The following GALNT14 variants were observed in gnomAD, a reference collection of about 807,000 sequenced individuals.
GALNT14 encodes polypeptide N-acetylgalactosaminyltransferase 14, also known as UDP-GalNAc:polypeptide N-acetylgalactosaminyltransferase 14.
A neutral mutation model predicts 77.5 loss-of-function variants in GALNT14; 60 were observed. That is an observed-to-expected ratio of 0.77 (90% CI 0.63 to 0.96). GALNT14 has a LOEUF of 0.96. Among genes scored for constraint, GALNT14 ranks in the 40% least tolerant of loss-of-function variants. GALNT14 has a pLI of 0.00. For synonymous variants in GALNT14, 280 were observed against 281.7 expected (o/e 0.99, Z 0.06); for missense variants, 710 against 731.0 (o/e 0.97, Z 0.33).
intron 1 of GALNT14, among the ~76,000 whole-genome samples, chr2:31,073,631 G>A (rs188791483): frequency 3.0e-4 from 46 of 152,238 alleles, no homozygotes; most frequent in African/African-American, 1.1e-3. Context: ...CGGGACTGGG[G>A]CAGGAAAGTG....
chr2:30,934,096 C>T (rs1045005776), intron 9 of GALNT14, among the ~76,000 whole-genome samples: 9 of 152,170 alleles, frequency 5.9e-5, no homozygotes, highest in African/African-American at 1.4e-4. Flanking sequence ...TTTGAGATTT[C>T]GACTCTCCAT....
chr2:30,967,615 AAC>A (rs1289971347), intron 2 of GALNT14, among the ~76,000 whole-genome samples: 3 of 152,126 alleles, frequency 2.0e-5, no homozygotes, highest in Non-Finnish European at 2.9e-5. Flanking sequence ...CTCTGCCAGA[AAC>A]AATTTCTCAC....
At chr2:31,027,791 C>G (rs1052237860) in intron 1 of GALNT14, among the ~76,000 whole-genome samples, 1 of 152,002 alleles carries the variant, frequency 6.6e-6, no homozygotes, top group African/African-American at 2.4e-5. Flanking sequence ...GTAGACTGTG[C>G]AACTCTATAA....
At chr2:30,988,592 C>T (rs1436092569) in intron 2 of GALNT14, among the ~76,000 whole-genome samples, 1 of 152,070 alleles carries the variant, frequency 6.6e-6, no homozygotes, top group Non-Finnish European at 1.5e-5. Flanking sequence ...AGGTGGTGGC[C>T]TTATTGCAGG....
intron 1 of GALNT14, among the ~76,000 whole-genome samples, chr2:31,057,726 G>C (rs1674324059): frequency 6.6e-6 from 1 of 152,046 alleles, no homozygotes; most frequent in African/African-American, 2.4e-5. Flanking sequence ...TCAGGCTTAG[G>C]TCTGCATGAT....
chr2:30,901,795 G>A, the GALNT14 span, among the ~76,000 whole-genome samples: 1 of 152,076 alleles, frequency 6.6e-6, no homozygotes, highest in African/African-American at 2.4e-5. Context: ...ATGCAACCTT[G>A]GGGGACGGGG....
At chr2:30,942,109 C>T (rs1243388724) in intron 9 of GALNT14, 92 bp downstream of exon 9, 1 of 810,316 alleles carries the variant, frequency 1.2e-6, no homozygotes, top group Non-Finnish European at 2.1e-6. Context: ...TCTCTGACAG[C>T]TTGGTGTTGG....
intron 2 of GALNT14, among the ~76,000 whole-genome samples, chr2:30,988,326 A>G (rs1309919808): frequency 6.6e-6 from 1 of 152,222 alleles, no homozygotes; most frequent in African/African-American, 2.4e-5. Context: ...GACTGTATCA[A>G]TATGATTGGG....
rs1019784928 is a variant in GALNT14 at position 30,968,754 on chromosome 2, T to A, written c.300-2452A>T. Among the ~76,000 whole-genome samples, 89 of 152,246 alleles carry A rather than the reference T, an allele frequency of 5.8e-4. 2 individuals carry two copies. Among genetic ancestry groups the A allele is most frequent in the Non-Finnish European group, 1.6e-4 (11 of 68,046 alleles). ...ACACTGTGAAGATAATCGATGATTC[T>A]TGTTGTTTTACACCACAAAGTTTAA... On this transcript the variant is annotated intron_variant, in intron 2 of 14. Coordinates refer to ENST00000349752, the MANE Select transcript of GALNT14 (RefSeq NM_024572.4).
chr2:30,911,847 G>C (rs1211340523), intron 14 of GALNT14, among the ~76,000 whole-genome samples: 2 of 152,180 alleles, frequency 1.3e-5, no homozygotes, highest in South Asian at 2.1e-4. Context: ...GAAGTTTGGG[G>C]GACATACTGC....
At position 30,910,925 on chromosome 2, in the gene GALNT14, C is replaced by T. The variant is rs1168351318; in HGVS notation, c.1635G>A (p.Gln545=). The part of the protein sequence containing the change: ...VNPCESSLMS[Q]HWDMVSS ...CTCAAGAGCTCACCATGTCCCAGTG[C>T]TGGCTCATGAGTGAGGACTCACATG... The change falls in exon 15 of 15, where the codon CAG becomes CAA. Residue 545 remains glutamine (Q), a synonymous_variant. Transcript: ENST00000349752. The T allele has an allele frequency of 7.4e-6, 12 of 1,613,884 alleles. No homozygotes were observed. In the East Asian group the frequency reaches 2.7e-4, roughly 36 times the overall value.
chr2:30,946,152 G>C (rs1052015016), intron 6 of GALNT14, among the ~76,000 whole-genome samples: 3 of 152,196 alleles, frequency 2.0e-5, no homozygotes, highest in Admixed American at 1.3e-4. Flanking sequence ...AGGCTGGCTG[G>C]AGAGTATTGC....
At chr2:30,955,482 A>G in intron 6 of GALNT14, 136 bp downstream of exon 6, 1 of 1,218,404 alleles carries the variant, frequency 8.2e-7, no homozygotes, top group Non-Finnish European at 1.1e-6. Flanking sequence ...TCCTTCATCA[A>G]TAAAATCGGG....
rs563342945 is a variant in GALNT14 at position 31,057,544 on chromosome 2, C to T, written c.130-64537G>A. Reference sequence around the variant, plus strand: ...ACGGCACCAGGCCTGGCTCTAGGACCACATGAAAGGCAACAGCCCTTCTCA... The same window carrying T: ...ACGGCACCAGGCCTGGCTCTAGGACTACATGAAAGGCAACAGCCCTTCTCA... On this transcript the variant is annotated intron_variant, in intron 1 of 14. Coordinates refer to ENST00000349752, the MANE Select transcript of GALNT14 (RefSeq NM_024572.4). Among the ~76,000 whole-genome samples, 20 of 151,674 alleles carry T rather than the reference C, an allele frequency of 1.3e-4. 1 individual carries two copies. The South Asian group carries it at 4.2e-3, about 32-fold the overall frequency.
intron 14 of GALNT14, among the ~76,000 whole-genome samples, chr2:30,911,623 T>C (rs1317906300): frequency 6.6e-6 from 1 of 152,184 alleles, no homozygotes; most frequent in Non-Finnish European, 1.5e-5. Context: ...ACAGCTGCCC[T>C]GTGTAGTGGA....
chr2:31,004,677 G>A (rs540017274), intron 1 of GALNT14, among the ~76,000 whole-genome samples: 56 of 152,292 alleles, frequency 3.7e-4, no homozygotes, highest in African/African-American at 1.0e-3. Flanking sequence ...GGGAGGGGCC[G>A]AGTCAGATGC....
At chr2:31,088,682 T>C (rs3919588) in intron 1 of GALNT14, among the ~76,000 whole-genome samples, 68,640 of 152,054 alleles carry the variant, frequency 0.45, 15,986 homozygotes, top group Middle Eastern at 0.48. Flanking sequence ...TGGATAAAGG[T>C]GACTAATACA....
chr2:30,915,154 T>G (rs1664603683), intron 13 of GALNT14, among the ~76,000 whole-genome samples: 2 of 151,718 alleles, frequency 1.3e-5, no homozygotes, highest in Admixed American at 1.3e-4. Flanking sequence ...AGAGCCCACT[T>G]TGGCATTTCT....
At chr2:30,972,026 G>A (rs1035432547) in intron 2 of GALNT14, among the ~76,000 whole-genome samples, 2 of 152,200 alleles carry the variant, frequency 1.3e-5, no homozygotes, top group Admixed American at 6.5e-5. Context: ...CCAGATACAT[G>A]ATCTTCCTCC....
Sources: allele counts gnomAD v4.1 joint callset (sites outside exome capture counted in the v4.1 genomes callset), GRCh38; gene constraint gnomAD v4.1.1; transcripts MANE v1.5; gene names NCBI Gene and HGNC (gene_info 2026-07-23, HGNC 2026-07-21).